MCF2L2: variants seen among roughly 807,000 people sequenced by gnomAD.
The protein encoded by MCF2L2 is probable guanine nucleotide exchange factor MCF2L2.
A neutral mutation model predicts 150.2 loss-of-function variants in MCF2L2; 102 were observed. The observed-to-expected ratio is 0.68, with a 90% CI of 0.58 to 0.80. The LOEUF (loss-of-function observed/expected upper bound fraction) is 0.80. Ranked by LOEUF, MCF2L2 falls within the 30% of genes least tolerant of loss-of-function variation. The pLI is 0.00. For missense variants in MCF2L2, 1,256 were observed against 1,372.8 expected (o/e 0.91, Z 1.34); for synonymous variants, 465 against 491.3 (o/e 0.95, Z 0.71).
intron 15 of MCF2L2, among the ~76,000 whole-genome samples, chr3:183,273,952 C>T (rs1280396687): frequency 2.0e-5 from 3 of 152,142 alleles, no homozygotes; most frequent in Admixed American, 1.3e-4. Context: ...CCATGGCTCA[C>T]GCCTGTAATC....
In MCF2L2 at chr3:183,204,019, G is replaced by T. The variant is rs77568875; in HGVS notation, c.2884+1857C>A. 6.0e-4 allele frequency among the ~76,000 whole-genome samples: 91 copies of T among 152,288 alleles called. No homozygotes were observed. The East Asian group carries it at 0.013, about 22-fold the overall frequency. ...AGATGCCAAGACCATTCAAAGTGGG[G>T]AAAGAATAGTCTTTTCAATCAATGG... On this transcript the variant is annotated intron_variant, in intron 25 of 29. Transcript: ENST00000328913.
chr3:183,346,538 A>G (rs1053258239), intron 3 of MCF2L2, among the ~76,000 whole-genome samples: 1 of 152,176 alleles, frequency 6.6e-6, no homozygotes, highest in African/African-American at 2.4e-5. Context: ...CCTATTCAAC[A>G]TAGTATTGGA....
At position 183,256,668 on chromosome 3, in the gene MCF2L2, G is replaced by T. The variant is rs534569779; in HGVS notation, c.1862+20204C>A. On this transcript the variant is annotated intron_variant, in intron 15 of 29. Transcript: ENST00000328913. ...AAGATCCACCTAATATTTCAGATTT[G>T]ACTCTTTTGCTCCTTTCCTATAACT... 3.3e-5 allele frequency among the ~76,000 whole-genome samples: 5 copies of T among 152,260 alleles called. No individual in the cohort carries two copies. The East Asian group carries it at 9.6e-4, about 29-fold the overall frequency.
intron 11 of MCF2L2, chr3:183,298,765 G>GCGCGCGCGCGCGCGCGCGCGCA: frequency 7.2e-6 from 1 of 138,500 alleles, no homozygotes; most frequent in African/African-American, 2.9e-5. Context: ...AAACACACAT[G>GCGCGCGCGCGCGCGCGCGCGCA]CACACACACA....
At position 183,181,924 on chromosome 3, in the gene MCF2L2, G is replaced by T. The variant is rs1354935553; in HGVS notation, c.3017-1765C>A. ...GCTCTAGCCCCTCCGCAGGGTAAGTGGTACCTCCAGGTAAAATGATTAGTT... is the reference window on the plus strand; with the variant it reads ...GCTCTAGCCCCTCCGCAGGGTAAGTTGTACCTCCAGGTAAAATGATTAGTT... On this transcript the variant is annotated intron_variant, in intron 27 of 29. Coordinates refer to ENST00000328913, the MANE Select transcript of MCF2L2 (RefSeq NM_015078.4). The surrounding 1 kb of genome is among the most constrained non-coding windows in gnomAD (Gnocchi z 4.3). Among the ~76,000 whole-genome samples the T allele has an allele frequency of 6.6e-6, 1 of 152,166 alleles. No individual in the cohort carries two copies. The highest frequency in any genetic ancestry group is 1.5e-5 in the Non-Finnish European group (1 of 68,016).
intron 5 of MCF2L2, among the ~76,000 whole-genome samples, chr3:183,330,257 AAAAAAAG>A (rs1372927929): frequency 4.6e-5 from 7 of 151,476 alleles, no homozygotes; most frequent in African/African-American, 1.7e-4. Flanking sequence ...AAAAAAAAAA[AAAAAAAG>A]AAGAAGAAAA....
intron 14 of MCF2L2, among the ~76,000 whole-genome samples, chr3:183,278,629 C>T (rs1471578694): frequency 6.6e-6 from 1 of 152,184 alleles, no homozygotes; most frequent in African/African-American, 2.4e-5. Flanking sequence ...AATACAGGCC[C>T]TTCATAAAGA....
At chr3:183,407,326 GTTA>G (rs1166874430) in intron 1 of MCF2L2, among the ~76,000 whole-genome samples, 1 of 152,032 alleles carries the variant, frequency 6.6e-6, no homozygotes, top group African/African-American at 2.4e-5. Context: ...AAAAAAAATT[GTTA>G]TTATAGTTCT....
chr3:183,277,047 G>C, intron 14 of MCF2L2, 90 bp from the exon 15 acceptor site: 1 of 884,854 alleles, frequency 1.1e-6, no homozygotes, highest in Non-Finnish European at 1.7e-6. Flanking sequence ...GTTTGATTTT[G>C]GTTTTGAGTC....
intron 2 of MCF2L2, among the ~76,000 whole-genome samples, chr3:183,382,528 T>TCAAGGAAACAGAGCTGGA (rs1472411065): frequency 1.3e-5 from 2 of 152,134 alleles, no homozygotes; most frequent in African/African-American, 4.8e-5. Flanking sequence ...GGCAGAAGCA[T>TCAAGGAAACAGAGCTGGA]CAAGGAAACA....
intron 14 of MCF2L2, among the ~76,000 whole-genome samples, chr3:183,279,717 G>A (rs1727366078): frequency 6.6e-6 from 1 of 152,228 alleles, no homozygotes; most frequent in Admixed American, 6.5e-5. Context: ...AAAGATTGCT[G>A]ATCACAGATC....
At chr3:183,362,066 T>C (rs2108567398) in intron 3 of MCF2L2, among the ~76,000 whole-genome samples, 1 of 152,326 alleles carries the variant, frequency 6.6e-6, no homozygotes, top group Admixed American at 6.5e-5. Context: ...TACGCAAATA[T>C]TCCAAAATCT....
At chr3:183,196,643 C>T (rs1722091678) in intron 25 of MCF2L2, among the ~76,000 whole-genome samples, 1 of 152,132 alleles carries the variant, frequency 6.6e-6, no homozygotes, top group Admixed American at 6.5e-5. Flanking sequence ...TTGCATCACT[C>T]ACAGAGACAT....
intron 3 of MCF2L2, among the ~76,000 whole-genome samples, chr3:183,356,931 G>A (rs1366788511): frequency 6.6e-6 from 1 of 152,142 alleles, no homozygotes; most frequent in African/African-American, 2.4e-5. Context: ...AGGGAGCAAT[G>A]GGAGAATAAG....
intron 1 of MCF2L2, among the ~76,000 whole-genome samples, chr3:183,415,980 T>G (rs1410143337): frequency 6.6e-6 from 1 of 152,164 alleles, no homozygotes; most frequent in East Asian, 1.9e-4. Context: ...AATAAAAATT[T>G]CTAGTATAGC....
At chr3:183,192,152 A>ATTTT (rs1206370516) in intron 27 of MCF2L2, among the ~76,000 whole-genome samples, 5 of 119,614 alleles carry the variant, frequency 4.2e-5, no homozygotes, top group South Asian at 2.6e-4. Context: ...TTATTTATTT[A>ATTTT]TTTTTTCAGA....
chr3:183,203,859 T>G (rs924387749), intron 25 of MCF2L2, among the ~76,000 whole-genome samples: 7 of 152,208 alleles, frequency 4.6e-5, no homozygotes, highest in African/African-American at 1.7e-4. Context: ...AGAAGGACTC[T>G]TCAATAAGAT....
intron 16 of MCF2L2, 103 bp downstream of exon 16, chr3:183,230,848 G>A (rs1694430420): frequency 2.5e-6 from 2 of 790,546 alleles, no homozygotes; most frequent in Admixed American, 2.4e-5. Flanking sequence ...AAACCTTGGT[G>A]GGAATTCTGG....
rs147816644 is a variant in MCF2L2 at position 183,229,694 on chromosome 3, T to C, written c.2017A>G (p.Ile673Val). Residue 673 changes from isoleucine (I) to valine (V), a missense_variant, in exon 17 of 30, where the codon ATT (isoleucine) becomes GTT (valine). Coordinates refer to ENST00000328913, the MANE Select transcript of MCF2L2 (RefSeq NM_015078.4). ...QNNKDFLFGNIRELYEFHNRT... is the reference protein window; with the variant it reads ...QNNKDFLFGNVRELYEFHNRT... ...TTGTGAAATTCGTAAAGTTCTCTAA[T>C]ATTCCCAAAGAGAAAGTCCTTGTTA... is the stretch of plus-strand genomic sequence containing the variant. The C allele has an allele frequency of 2.6e-5, 41 of 1,580,906 alleles. No individual in the cohort carries two copies. In the African/African-American group the frequency reaches 5.0e-4, roughly 19 times the overall value.
Sources: gnomAD v4.1 joint callset for allele counts (sites outside exome capture counted in the v4.1 genomes callset) on GRCh38, gnomAD v4.1.1 for gene constraint, Gnocchi (gnomAD v3.1) non-coding constraint, MANE v1.5 for transcripts, NCBI Gene and HGNC (gene_info 2026-07-23, HGNC 2026-07-21) for gene names.